FNDC3B: variants seen among roughly 807,000 people sequenced by gnomAD.
FNDC3B encodes the protein fibronectin type III domain containing 3B.
FNDC3B carries 12 observed loss-of-function variants against 151.5 expected under a neutral mutation model. The ratio of observed to expected loss-of-function variants is 0.08; its 90% CI spans 0.05 to 0.13. The LOEUF is 0.13. Among genes scored for constraint, FNDC3B ranks in the 10% least tolerant of loss-of-function variants. FNDC3B has a pLI of 1.00. For missense variants in FNDC3B, 1,214 were observed against 1,505.3 expected, an observed-to-expected ratio of 0.81 and a Z score of 3.20; for synonymous variants, 528 against 549.0, an observed-to-expected ratio of 0.96 and a Z score of 0.54.
intron 4 of FNDC3B, among the ~76,000 whole-genome samples, chr3:172,243,691 T>C (rs1015866565): frequency 2.0e-5 from 3 of 152,206 alleles, no homozygotes; most frequent in Non-Finnish European, 4.4e-5. Flanking sequence ...TTTGGTGTCT[T>C]CACGTGATGT....
rs766198756 is a variant in FNDC3B, at chr3:172,344,073, TC to T, written c.2078-12del. 5.6e-6 allele frequency: 9 copies of T among 1,600,148 alleles called. No homozygotes were observed. In the Middle Eastern group the frequency reaches 6.7e-4, roughly 119 times the overall value. On this transcript the variant is annotated splice_polypyrimidine_tract_variant and intron_variant, in intron 18 of 25. Transcript: ENST00000415807. ...CAAAGTGTTCTAAGATGAAAAAAAT[TC>T]TTCATTCCCAGATGTTCCTGCATCG...
At chr3:172,205,213 G>T (rs1725362654) in intron 3 of FNDC3B, among the ~76,000 whole-genome samples, 1 of 152,082 alleles carries the variant, frequency 6.6e-6, no homozygotes, top group African/African-American at 2.4e-5. Context: ...GGTTGTCTGG[G>T]TATTCTTATC....
Position 172,127,048 on chromosome 3 carries a change from C to T in FNDC3B, c.112-6423C>T, listed in dbSNP as rs1301147794. The T allele has an allele frequency of 6.6e-6, 3 of 456,642 alleles. No individual in the cohort carries two copies. The Admixed American group carries it at 7.0e-5, about 11-fold the overall frequency. 28.3% of individuals were successfully genotyped at this position (456,642 alleles called of 1,614,324 possible). On this transcript the variant is annotated intron_variant, in intron 2 of 25. Coordinates refer to ENST00000415807, the MANE Select transcript of FNDC3B (RefSeq NM_022763.4). ...CCCAAATGTTTACCAAAGAGAAAAT[C>T]TGGTCAGAGGTGAGAAGTGGCTGGT...
rs757243796 is a variant in FNDC3B at position 172,341,095 on chromosome 3, A to C, written c.1853-18A>C. ...TTTTACAAGAGGCATAAAGTCATGC[A>C]TAAGTCTTGTTTTACAGCGAATCAG... On this transcript the variant is annotated intron_variant, in intron 16 of 25. Coordinates refer to ENST00000415807, the MANE Select transcript of FNDC3B (RefSeq NM_022763.4). 1.3e-6 allele frequency: 2 copies of C among 1,545,292 alleles called. No individual in the cohort carries two copies. The highest frequency in any genetic ancestry group is 2.2e-5 in the East Asian group (1 of 44,606).
intron 3 of FNDC3B, among the ~76,000 whole-genome samples, chr3:172,155,989 G>GA (rs970462917): frequency 1.3e-5 from 2 of 151,918 alleles, no homozygotes; most frequent in African/African-American, 4.8e-5. Flanking sequence ...ACTGGAAAAA[G>GA]AAAAAAAATT....
chr3:172,170,380 C>G (rs141793516), intron 3 of FNDC3B, among the ~76,000 whole-genome samples: 4 of 152,336 alleles, frequency 2.6e-5, no homozygotes, highest in Admixed American at 1.3e-4. Context: ...AAAGCAGATA[C>G]CAGGACTTCA....
At chr3:172,182,302 T>A (rs182714412) in intron 3 of FNDC3B, among the ~76,000 whole-genome samples, 8 of 152,304 alleles carry the variant, frequency 5.3e-5, no homozygotes, top group African/African-American at 1.9e-4. Context: ...GTCAGGCTGG[T>A]GGCTGTCCGG....
At position 172,353,549 on chromosome 3, in the gene FNDC3B, T is replaced by C. The variant is rs1456363548; in HGVS notation, c.2795+466T>C. On this transcript the variant is annotated intron_variant, in intron 22 of 25. Transcript: ENST00000415807. Reference sequence around the variant, plus strand: ...TTGTTTAATGACTTCTAAAAAAATATCTGGAGCTCAGGGGTTCAACTGAGG... The same window carrying C: ...TTGTTTAATGACTTCTAAAAAAATACCTGGAGCTCAGGGGTTCAACTGAGG... 2.0e-5 allele frequency among the ~76,000 whole-genome samples: 3 copies of C among 152,188 alleles called. No individual in the cohort carries two copies. In the East Asian group the frequency reaches 5.8e-4, roughly 29 times the overall value.
intron 3 of FNDC3B, among the ~76,000 whole-genome samples, chr3:172,174,412 A>G (rs1301309677): frequency 6.6e-6 from 1 of 152,226 alleles, no homozygotes; most frequent in Non-Finnish European, 1.5e-5. Context: ...TTTAGCCTGA[A>G]CAACATGAAA....
chr3:172,280,028 C>T (rs749198876), intron 6 of FNDC3B, among the ~76,000 whole-genome samples: 1 of 152,162 alleles, frequency 6.6e-6, no homozygotes, highest in African/African-American at 2.4e-5. Context: ...GATCCTCCCA[C>T]CTCAGCCTCC....
At chr3:172,088,606 T>C (rs1230283050) in intron 1 of FNDC3B, among the ~76,000 whole-genome samples, 2 of 152,260 alleles carry the variant, frequency 1.3e-5, no homozygotes, top group Non-Finnish European at 2.9e-5. Context: ...ATTACATTTC[T>C]TTAAACTGTA....
intron 1 of FNDC3B, among the ~76,000 whole-genome samples, chr3:172,071,481 C>T (rs1226179726): frequency 6.6e-6 from 1 of 152,060 alleles, no homozygotes; most frequent in Non-Finnish European, 1.5e-5. Flanking sequence ...TTTAGCCTGA[C>T]TTGGAAAAAC....
At chr3:172,337,716 T>TCTCA (rs148140151) in intron 16 of FNDC3B, 35,798 of 324,198 alleles carry the variant, frequency 0.11, 3,082 homozygotes, top group African/African-American at 0.3. Context: ...TGAGATACGA[T>TCTCA]CTCTGTCACA....
At chr3:172,360,465 C>G (rs1734307411) in intron 22 of FNDC3B, among the ~76,000 whole-genome samples, 1 of 151,882 alleles carries the variant, frequency 6.6e-6, no homozygotes, top group Admixed American at 6.6e-5. Context: ...TTATTTTTTT[C>G]TTTTATGTAA....
At chr3:172,330,352 A>C in intron 12 of FNDC3B, 189 bp from the exon 13 acceptor site, 1 of 511,348 alleles carries the variant, frequency 2.0e-6, no homozygotes, top group African/African-American at 1.9e-5. Flanking sequence ...CTAGTAGAAG[A>C]TCATGGGGTG....
intron 11 of FNDC3B, among the ~76,000 whole-genome samples, chr3:172,319,596 G>C (rs750598429): frequency 6.6e-6 from 1 of 152,198 alleles, no homozygotes; most frequent in Non-Finnish European, 1.5e-5. Context: ...CTCTGTGCCA[G>C]AGCGTGCAAT....
chr3:172,196,081 G>A (rs1724806050), intron 3 of FNDC3B, among the ~76,000 whole-genome samples: 1 of 152,124 alleles, frequency 6.6e-6, no homozygotes, highest in East Asian at 1.9e-4. Flanking sequence ...AAATCTGAAA[G>A]GTTTAGGTAC....
At chr3:172,344,297 G>A in intron 19 of FNDC3B, 39 bp downstream of exon 19, 1 of 1,553,802 alleles carries the variant, frequency 6.4e-7, no homozygotes. Context: ...GAATCAGAAT[G>A]CATAATCAGA....
intron 3 of FNDC3B, among the ~76,000 whole-genome samples, chr3:172,179,299 T>A (rs902488804): frequency 6.6e-6 from 1 of 152,104 alleles, no homozygotes; most frequent in African/African-American, 2.4e-5. Context: ...TGACCTCAGG[T>A]GATCTGCCCG....
Sources: gnomAD v4.1 joint callset for allele counts (sites outside exome capture counted in the v4.1 genomes callset) on GRCh38, gnomAD v4.1.1 for gene constraint, MANE v1.5 for transcripts, NCBI Gene and HGNC (gene_info 2026-07-23, HGNC 2026-07-21) for gene names.